The following LRRC37A2 variants were observed in gnomAD, a reference collection of about 807,000 sequenced individuals.
The protein encoded by LRRC37A2 is leucine rich repeat containing 37 member A2, also known as leucine-rich repeat-containing protein 37A2.
Under a neutral mutation model 68.8 loss-of-function variants are expected in LRRC37A2, and 9 were observed. The observed-to-expected ratio is 0.13, with a 90% CI of 0.08 to 0.23. LRRC37A2 has a LOEUF of 0.23. Among genes scored for constraint, LRRC37A2 ranks in the 10% least tolerant of loss-of-function variants. The pLI, the probability that LRRC37A2 is intolerant of heterozygous loss-of-function variation, is 1.00. For missense variants in LRRC37A2, 168 were observed against 950.4 expected (o/e 0.18, Z 10.82); for synonymous variants, 63 against 367.6 (o/e 0.17, Z 9.48).
the LRRC37A2 span, among the ~76,000 whole-genome samples, chr17:46,827,068 T>C: frequency 1.3e-5 from 2 of 152,174 alleles, no homozygotes; most frequent in Non-Finnish European, 2.9e-5. Context: ...TGAGCCACCA[T>C]GCCCAGCCTC....
the LRRC37A2 span, among the ~76,000 whole-genome samples, chr17:46,835,456 C>T: frequency 1.3e-5 from 2 of 152,132 alleles, no homozygotes; most frequent in Admixed American, 6.5e-5. Flanking sequence ...CGTGATCCAC[C>T]CACCTCGGCC....
chr17:46,896,303 A>AAAAG, the LRRC37A2 span, among the ~76,000 whole-genome samples: 12 of 151,360 alleles, frequency 7.9e-5, no homozygotes, highest in East Asian at 5.8e-4. Flanking sequence ...CAAAAAAAGA[A>AAAAG]AAAGAAAGAA....
the LRRC37A2 span, chr17:46,875,038 A>T: frequency 6.2e-7 from 1 of 1,612,842 alleles, no homozygotes; most frequent in South Asian, 1.1e-5. Flanking sequence ...GCAACCTCTA[A>T]GCTTCCTCCT....
chr17:46,876,128 C>T, the LRRC37A2 span: 1 of 984,746 alleles, frequency 1.0e-6, no homozygotes. Context: ...GGGGCTGAGA[C>T]CCTGGGTCTC....
chr17:46,997,970 GA>G, the LRRC37A2 span, among the ~76,000 whole-genome samples: 2,149 of 136,618 alleles, frequency 0.016, 38 homozygotes, highest in African/African-American at 0.052. Context: ...AACTCCATCT[GA>G]AAAAAAAAAA....
chr17:46,822,988 A>T, the LRRC37A2 span, among the ~76,000 whole-genome samples: 1 of 147,328 alleles, frequency 6.8e-6, no homozygotes, highest in East Asian at 2.0e-4. Flanking sequence ...ATTCAGTTTT[A>T]TGTATTTATA....
the LRRC37A2 span, among the ~76,000 whole-genome samples, chr17:46,878,238 C>T: frequency 6.6e-6 from 1 of 152,268 alleles, no homozygotes; most frequent in South Asian, 2.1e-4. Flanking sequence ...CATCTGTCAG[C>T]TTCCTTTCTC....
chr17:46,475,341 C>T, the LRRC37A2 span: 3 of 778,766 alleles, frequency 3.9e-6, 1 homozygote, highest in African/African-American at 6.8e-5. Context: ...TGGCATGGAG[C>T]AGCTAAACAA....
the LRRC37A2 span, among the ~76,000 whole-genome samples, chr17:46,903,984 C>A: frequency 6.8e-6 from 1 of 146,806 alleles, no homozygotes; most frequent in Admixed American, 6.8e-5. Flanking sequence ...TGGATGGTGG[C>A]TGGCTGGCTA....
the LRRC37A2 span, among the ~76,000 whole-genome samples, chr17:46,811,803 A>C: frequency 5.9e-5 from 9 of 152,236 alleles, no homozygotes; most frequent in South Asian, 1.7e-3. Flanking sequence ...TAAAAAATTC[A>C]AATATTAGCC....
At chr17:46,899,777 G>A in the LRRC37A2 span, among the ~76,000 whole-genome samples, 1 of 152,098 alleles carries the variant, frequency 6.6e-6, no homozygotes, top group African/African-American at 2.4e-5. Context: ...TATGTGAATT[G>A]TATCCCCATA....
At chr17:47,044,641 T>C in the LRRC37A2 span, among the ~76,000 whole-genome samples, 2 of 142,796 alleles carry the variant, frequency 1.4e-5, no homozygotes, top group African/African-American at 4.9e-5. Flanking sequence ...GTGTTCATTA[T>C]ACCATTTGAA....
chr17:46,446,149 C>CTA, the LRRC37A2 span, among the ~76,000 whole-genome samples: 1 of 31,162 alleles, frequency 3.2e-5, no homozygotes, highest in Non-Finnish European at 8.6e-5. Context: ...ATGAGAAAAT[C>CTA]TATATTAAAT....
the LRRC37A2 span, among the ~76,000 whole-genome samples, chr17:46,731,394 T>C: frequency 6.6e-6 from 1 of 152,104 alleles, no homozygotes; most frequent in Non-Finnish European, 1.5e-5. Context: ...TTTGGGGTGA[T>C]AGAAATGCTC....
the LRRC37A2 span, chr17:46,940,471 G>C: frequency 6.2e-7 from 1 of 1,611,232 alleles, no homozygotes; most frequent in African/African-American, 1.3e-5. Flanking sequence ...GCACTGCTGC[G>C]GTGCCAGGGA....
the LRRC37A2 span, among the ~76,000 whole-genome samples, chr17:46,824,450 T>A: frequency 1.3e-5 from 2 of 152,214 alleles, no homozygotes; most frequent in Admixed American, 1.3e-4. Flanking sequence ...TGTTTCACCA[T>A]GTTGGCCAGG....
At chr17:47,016,198 C>A in the LRRC37A2 span, among the ~76,000 whole-genome samples, 52 of 152,028 alleles carry the variant, frequency 3.4e-4, no homozygotes, top group African/African-American at 1.2e-3. Context: ...CCCACCTCGG[C>A]CTCCCAAAGT....
At chr17:46,847,440 T>C in the LRRC37A2 span, among the ~76,000 whole-genome samples, 1 of 152,230 alleles carries the variant, frequency 6.6e-6, no homozygotes, top group African/African-American at 2.4e-5. Context: ...TAGTGCAATG[T>C]TGCAAGGGCA....
At chr17:46,818,737 C>G in the LRRC37A2 span, 3 of 835,790 alleles carry the variant, frequency 3.6e-6, no homozygotes, top group East Asian at 2.7e-5. Context: ...GCAGCCGCCC[C>G]CCTCCCGAGC....
Sources: allele counts gnomAD v4.1 joint callset (sites outside exome capture counted in the v4.1 genomes callset), GRCh38; gene constraint gnomAD v4.1.1; transcripts MANE v1.5; gene names NCBI Gene and HGNC (gene_info 2026-07-23, HGNC 2026-07-21).